Variants in CREB5 observed in about 807,000 individuals in gnomAD.
The protein encoded by CREB5 is cyclic AMP-responsive element-binding protein 5.
CREB5 carries 19 observed loss-of-function variants against 57.1 expected under a neutral mutation model. That is an observed-to-expected ratio of 0.33 (90% CI 0.23 to 0.49). The LOEUF is 0.49. Ranked by LOEUF, CREB5 falls within the 20% of genes least tolerant of loss-of-function variation. The pLI is 0.99. For missense variants in CREB5, 579 were observed against 671.6 expected (o/e 0.86, Z 1.52); for synonymous variants, 238 against 238.3 (o/e 1.00, Z 0.01).
intron 1 of CREB5, among the ~76,000 whole-genome samples, chr7:28,335,251 A>G (rs1348174148): frequency 6.6e-6 from 1 of 152,238 alleles, no homozygotes; most frequent in Non-Finnish European, 1.5e-5. Context: ...TGGTATTTTA[A>G]TAGGGATTGC....
intron 1 of CREB5, among the ~76,000 whole-genome samples, chr7:28,309,425 T>C (rs1023989298): frequency 2.0e-5 from 3 of 152,206 alleles, no homozygotes; most frequent in Non-Finnish European, 4.4e-5. Context: ...TGGATTTGCC[T>C]GGCTTTCTGG....
chr7:28,570,264 A>G, intron 4 of CREB5, 101 bp from the exon 5 acceptor site: 1 of 1,258,624 alleles, frequency 7.9e-7, no homozygotes. Flanking sequence ...CTCTCTATGT[A>G]GTTGACATGA....
At chr7:28,653,467 T>C (rs1230452661) in intron 5 of CREB5, among the ~76,000 whole-genome samples, 29 of 152,300 alleles carry the variant, frequency 1.9e-4, no homozygotes, top group Non-Finnish European at 5.9e-5. Flanking sequence ...TTTATCCCTT[T>C]AGAAGTAGCT....
At chr7:28,689,832 T>C (rs1402455846) in intron 5 of CREB5, among the ~76,000 whole-genome samples, 1 of 152,108 alleles carries the variant, frequency 6.6e-6, no homozygotes, top group Non-Finnish European at 1.5e-5. Context: ...TTTGACACCA[T>C]TTCATGAATC....
At chr7:28,683,080 C>T (rs1277020520) in intron 5 of CREB5, among the ~76,000 whole-genome samples, 1 of 152,166 alleles carries the variant, frequency 6.6e-6, no homozygotes. Context: ...GAGACCTAGC[C>T]TGTTGGCCGG....
At chr7:28,499,798 G>A (rs1250325683) in intron 3 of CREB5, among the ~76,000 whole-genome samples, 2 of 152,132 alleles carry the variant, frequency 1.3e-5, no homozygotes, top group African/African-American at 4.8e-5. Context: ...TGTCAGGCTG[G>A]TCTCGAACTC....
chr7:28,521,648 A>G (rs907649046), intron 4 of CREB5, among the ~76,000 whole-genome samples: 1 of 152,188 alleles, frequency 6.6e-6, no homozygotes, highest in African/African-American at 2.4e-5. Flanking sequence ...AAAACAGCAA[A>G]TAGCTCTTAC....
chr7:28,323,332 T>C (rs192200103), intron 1 of CREB5, among the ~76,000 whole-genome samples: 4 of 152,320 alleles, frequency 2.6e-5, no homozygotes, highest in African/African-American at 9.6e-5. Flanking sequence ...TTACTTCACT[T>C]TTCCATGCTT....
At chr7:28,799,561 G>A (rs1808246910) in intron 7 of CREB5, among the ~76,000 whole-genome samples, 1 of 152,160 alleles carries the variant, frequency 6.6e-6, no homozygotes, top group Non-Finnish European at 1.5e-5. Flanking sequence ...ATGAAGATCT[G>A]GTGCATCGTA....
intron 5 of CREB5, among the ~76,000 whole-genome samples, chr7:28,672,708 C>A (rs1800110072): frequency 6.6e-6 from 1 of 152,074 alleles, no homozygotes; most frequent in South Asian, 2.1e-4. Context: ...CCAGAGATAC[C>A]AGCCCTCCCA....
rs553553406 is a variant in CREB5, at chr7:28,693,716, G to A, written c.465-25037G>A. 2.0e-5 allele frequency among the ~76,000 whole-genome samples: 3 copies of A among 152,264 alleles called. No homozygotes were observed. The South Asian group carries it at 6.2e-4, about 32-fold the overall frequency. ...TTTTGACAATCTATTGAAGCTTTCTGAGCCTCGGTTACTTCATTTATGAAA... is the reference window on the plus strand; with the variant it reads ...TTTTGACAATCTATTGAAGCTTTCTAAGCCTCGGTTACTTCATTTATGAAA... On this transcript the variant is annotated intron_variant, in intron 5 of 10. Transcript: ENST00000357727.
intron 5 of CREB5, among the ~76,000 whole-genome samples, chr7:28,689,639 G>T (rs1801145297): frequency 6.6e-6 from 1 of 152,050 alleles, no homozygotes; most frequent in Admixed American, 6.5e-5. Context: ...ATACAGTTTT[G>T]CCTTTCATGA....
At chr7:28,793,882 G>A (rs1331971410) in intron 7 of CREB5, among the ~76,000 whole-genome samples, 1 of 152,194 alleles carries the variant, frequency 6.6e-6, no homozygotes, top group Non-Finnish European at 1.5e-5. Flanking sequence ...CTTGGGATTT[G>A]GGGATGTGTA....
intron 1 of CREB5, among the ~76,000 whole-genome samples, chr7:28,414,092 A>T (rs1380548548): frequency 6.6e-6 from 1 of 151,812 alleles, no homozygotes; most frequent in African/African-American, 2.4e-5. Flanking sequence ...TCTTCTGGTT[A>T]TGTTGTTGGA....
intron 1 of CREB5, among the ~76,000 whole-genome samples, chr7:28,311,942 A>G (rs1785286783): frequency 6.6e-6 from 1 of 152,016 alleles, no homozygotes; most frequent in Admixed American, 6.5e-5. Flanking sequence ...TACTTCTCAG[A>G]GGTTTGGGCT....
chr7:28,660,706 C>T lies in CREB5; in HGVS notation c.465-58047C>T, dbSNP rs998680167. On this transcript the variant is annotated intron_variant, in intron 5 of 10. Transcript: ENST00000357727. ...TTTAAATATGGAATTATGCCCCCAC[C>T]CCTTCACCTTTTCCTCCCTTTCTTC... 9.2e-5 allele frequency among the ~76,000 whole-genome samples: 14 copies of T among 152,170 alleles called. 2 individuals are homozygous for T. The highest frequency in any genetic ancestry group is 3.4e-4 in the African/African-American group (14 of 41,498).
intron 5 of CREB5, among the ~76,000 whole-genome samples, chr7:28,637,072 T>A (rs1798449265): frequency 6.6e-6 from 1 of 152,102 alleles, no homozygotes; most frequent in Admixed American, 6.6e-5. Context: ...TAGGATCACT[T>A]GAGCCCAGGA....
intron 1 of CREB5, among the ~76,000 whole-genome samples, chr7:28,426,375 A>T (rs1038451084): frequency 6.6e-6 from 1 of 152,224 alleles, no homozygotes; most frequent in Non-Finnish European, 1.5e-5. Context: ...GCTCCCTTGC[A>T]TAGCTCTGAA....
At chr7:28,560,843 T>C (rs1328943302) in intron 4 of CREB5, among the ~76,000 whole-genome samples, 1,485 of 76,266 alleles carry the variant, frequency 0.019, 207 homozygotes, top group African/African-American at 0.069. Context: ...CGTGTGTGTG[T>C]GCGCGTGTGT....
Sources: gnomAD v4.1 joint callset for allele counts (sites outside exome capture counted in the v4.1 genomes callset) on GRCh38, gnomAD v4.1.1 for gene constraint, MANE v1.5 for transcripts, NCBI Gene and HGNC (gene_info 2026-07-23, HGNC 2026-07-21) for gene names.